Variants in MBD5 observed in about 807,000 individuals in gnomAD.
MBD5 encodes methyl-CpG-binding domain protein 5.
Under a neutral mutation model 117.3 loss-of-function variants are expected in MBD5, and 13 were observed. That is an observed-to-expected ratio of 0.11 (90% confidence interval 0.07 to 0.18). The LOEUF (loss-of-function observed/expected upper bound fraction) is 0.18, where lower values mean the gene tolerates loss of function less well. Among genes scored for constraint, MBD5 ranks in the 10% least tolerant of loss-of-function variants. The pLI is 1.00. For missense variants in MBD5, 1,879 were observed against 2,093.8 expected (o/e 0.90, Z 2.00); for synonymous variants, 727 against 766.4 (o/e 0.95, Z 0.85).
chr2:148,263,728 A>C (rs1378754482), intron 3 of MBD5, among the ~76,000 whole-genome samples: 1 of 152,196 alleles, frequency 6.6e-6, no homozygotes, highest in African/African-American at 2.4e-5. Flanking sequence ...AAAGAATCTA[A>C]TTATCTTTTA....
At chr2:148,216,357 C>G (rs559062309) in intron 2 of MBD5, among the ~76,000 whole-genome samples, 106 of 152,292 alleles carry the variant, frequency 7.0e-4, no homozygotes, top group African/African-American at 2.5e-3. Flanking sequence ...TACGAAACTA[C>G]CCCAAGAGCT....
At chr2:148,185,105 A>G (rs72854863) in intron 2 of MBD5, among the ~76,000 whole-genome samples, 62 of 152,292 alleles carry the variant, frequency 4.1e-4, no homozygotes, top group Non-Finnish European at 7.5e-4. Flanking sequence ...TATGGGAACT[A>G]TAAGTTTTTT....
At chr2:148,328,252 G>T (rs1345768784) in intron 3 of MBD5, among the ~76,000 whole-genome samples, 2 of 152,196 alleles carry the variant, frequency 1.3e-5, no homozygotes, top group African/African-American at 4.8e-5. Flanking sequence ...AAAGCTGTCA[G>T]ACAGGGACAT....
intron 3 of MBD5, among the ~76,000 whole-genome samples, chr2:148,310,756 C>T (rs550356234): frequency 9.9e-5 from 15 of 152,252 alleles, no homozygotes; most frequent in Admixed American, 8.5e-4. Flanking sequence ...AATTTTAGAT[C>T]TTTCCTGCTT....
intron 3 of MBD5, among the ~76,000 whole-genome samples, chr2:148,318,879 C>A (rs1702220027): frequency 6.6e-6 from 1 of 152,062 alleles, no homozygotes; most frequent in Non-Finnish European, 1.5e-5. Context: ...TCATGCCCGG[C>A]TAATTCTTTT....
In MBD5 at chr2:148,270,902, C is replaced by A. The variant is rs565555668; in HGVS notation, c.-680+37507C>A. On this transcript the variant is annotated intron_variant, in intron 3 of 13. Transcript: ENST00000642680. ...CTTCTTTCTGAAATTTTTTAATTCC[C>A]TTTTCCACAAACAGATAGCCCTTTA... Among the ~76,000 whole-genome samples, 4 of 152,150 alleles carry A rather than the reference C, an allele frequency of 2.6e-5. No individual in the cohort carries two copies. The South Asian group carries it at 8.3e-4, about 32-fold the overall frequency.
intron 1 of MBD5, among the ~76,000 whole-genome samples, chr2:148,101,601 A>G (rs1034287205): frequency 4.6e-5 from 7 of 152,208 alleles, no homozygotes; most frequent in African/African-American, 1.4e-4. Context: ...TCTTTCAGAA[A>G]CTATAGGGAT....
intron 3 of MBD5, among the ~76,000 whole-genome samples, chr2:148,247,658 T>G (rs1700370017): frequency 1.1e-5 from 1 of 94,344 alleles, no homozygotes; most frequent in African/African-American, 3.4e-5. Flanking sequence ...AGCCAACAAT[T>G]AACAGTCTTT....
intron 8 of MBD5, among the ~76,000 whole-genome samples, chr2:148,475,333 CATTT>C (rs1157109012): frequency 6.6e-6 from 1 of 151,874 alleles, no homozygotes; most frequent in Non-Finnish European, 1.5e-5. Context: ...CAAAATGAGC[CATTT>C]ATTCTTTGCT....
At chr2:148,375,209 A>T (rs535362253) in intron 4 of MBD5, among the ~76,000 whole-genome samples, 1 of 152,328 alleles carries the variant, frequency 6.6e-6, no homozygotes, top group African/African-American at 2.4e-5. Flanking sequence ...ATAATTTAGG[A>T]AAGAAATTTT....
At chr2:148,217,746 C>T (rs1267991678) in intron 2 of MBD5, among the ~76,000 whole-genome samples, 1 of 152,142 alleles carries the variant, frequency 6.6e-6, no homozygotes, top group Non-Finnish European at 1.5e-5. Context: ...ATGATCAAAG[C>T]AGTCTCTTCT....
chr2:148,483,709 C>T lies in MBD5; in HGVS notation c.3118C>T (p.Gln1040Ter). 3 of 1,550,610 alleles carry T rather than the reference C, an allele frequency of 1.9e-6. No homozygotes were observed. Among genetic ancestry groups the T allele is most frequent in the Non-Finnish European group, 2.6e-6 (3 of 1,146,982 alleles). Reference sequence around the variant, plus strand: ...CCCACCAGACCATTTGCCAAGCAATCAGTCAGACAACAGCCGAGCTGAGAC... The same window carrying T: ...CCCACCAGACCATTTGCCAAGCAATTAGTCAGACAACAGCCGAGCTGAGAC... Reference protein sequence around the residue: ...TAPPDHLPSNQSDNSRAETLL... With the variant: ...TAPPDHLPSN The change falls in exon 9 of 14, where the codon CAG becomes TAG. Residue 1040 changes from glutamine to a stop codon, truncating the protein, a stop_gained. Coordinates refer to ENST00000642680, the MANE Select transcript of MBD5 (RefSeq NM_001378120.1). LOFTEE classifies it high-confidence loss of function.
chr2:148,060,975 T>C (rs905781326), intron 1 of MBD5, among the ~76,000 whole-genome samples: 16 of 152,148 alleles, frequency 1.1e-4, no homozygotes, highest in Non-Finnish European at 1.9e-4. Context: ...GTTTTATTCT[T>C]CATATTCTTT....
intron 1 of MBD5, among the ~76,000 whole-genome samples, chr2:148,143,092 G>C (rs1007580126): frequency 6.6e-6 from 1 of 152,062 alleles, no homozygotes; most frequent in Non-Finnish European, 1.5e-5. Context: ...CAACCAATAG[G>C]GTTTAAAAAA....
At chr2:148,425,476 A>C (rs897292372) in intron 4 of MBD5, among the ~76,000 whole-genome samples, 2 of 152,248 alleles carry the variant, frequency 1.3e-5, no homozygotes, top group African/African-American at 2.4e-5. Context: ...AGGTGACACC[A>C]TTCTTTCTGA....
intron 1 of MBD5, among the ~76,000 whole-genome samples, chr2:148,105,920 G>T (rs568063610): frequency 6.6e-6 from 1 of 151,948 alleles, no homozygotes; most frequent in East Asian, 1.9e-4. Flanking sequence ...TGCTTATTTT[G>T]AAAACAATTG....
chr2:148,427,305 T>G (rs1705828928), intron 4 of MBD5, among the ~76,000 whole-genome samples: 1 of 152,214 alleles, frequency 6.6e-6, no homozygotes, highest in Non-Finnish European at 1.5e-5. Context: ...TTACTGGGTA[T>G]ATACCCAAAG....
intron 4 of MBD5, among the ~76,000 whole-genome samples, chr2:148,405,111 T>G (rs1574388807): frequency 6.6e-6 from 1 of 152,196 alleles, no homozygotes; most frequent in Non-Finnish European, 1.5e-5. Context: ...CTTCTTTCTA[T>G]TCAATAAATA....
intron 4 of MBD5, among the ~76,000 whole-genome samples, chr2:148,397,486 C>T (rs573852021): frequency 1.1e-4 from 17 of 151,986 alleles, no homozygotes; most frequent in Non-Finnish European, 2.2e-4. Context: ...CCCGCCACCA[C>T]GCCCGGCTAA....
Sources: allele counts gnomAD v4.1 joint callset (sites outside exome capture counted in the v4.1 genomes callset), GRCh38; gene constraint gnomAD v4.1.1; transcripts MANE v1.5; gene names NCBI Gene and HGNC (gene_info 2026-07-23, HGNC 2026-07-21).